Variants in CDK14 observed in about 807,000 individuals in gnomAD.
The protein encoded by CDK14 is cyclin-dependent kinase 14.
Under a neutral mutation model 60.7 loss-of-function variants are expected in CDK14, and 34 were observed. The observed-to-expected ratio is 0.56, with a 90% CI of 0.43 to 0.75. The LOEUF is 0.75. CDK14 is among the 30% of genes least tolerant of loss of function. CDK14 has a pLI of 0.00. For synonymous variants in CDK14, 197 were observed against 203.7 expected, an observed-to-expected ratio of 0.97 and a Z score of 0.28; for missense variants, 482 against 564.1, an observed-to-expected ratio of 0.85 and a Z score of 1.47.
At chr7:91,087,254 G>A (rs1184008949) in intron 12 of CDK14, among the ~76,000 whole-genome samples, 3 of 152,140 alleles carry the variant, frequency 2.0e-5, no homozygotes, top group African/African-American at 7.2e-5. Context: ...AGCTCCTAGA[G>A]TATTCTTATT....
intron 12 of CDK14, among the ~76,000 whole-genome samples, chr7:91,087,781 G>A (rs1370944985): frequency 1.3e-5 from 2 of 151,954 alleles, no homozygotes; most frequent in Non-Finnish European, 2.9e-5. Context: ...TACCTTCTTA[G>A]GGGCACATGC....
intron 4 of CDK14, among the ~76,000 whole-genome samples, chr7:90,766,556 G>C (rs902038394): frequency 1.1e-4 from 17 of 152,268 alleles, no homozygotes; most frequent in South Asian, 8.3e-4. Context: ...CCAGAATTCA[G>C]ATCCAGTTAG....
intron 4 of CDK14, among the ~76,000 whole-genome samples, chr7:90,757,948 T>G (rs1416295257): frequency 6.6e-6 from 1 of 152,124 alleles, no homozygotes; most frequent in African/African-American, 2.4e-5. Context: ...TTAGGCATAG[T>G]TTAGAAGCTT....
intron 12 of CDK14, chr7:91,107,844 C>T (rs1326788787): frequency 6.6e-6 from 1 of 152,204 alleles, no homozygotes; most frequent in Non-Finnish European, 1.5e-5. Context: ...ACTTTTAAGA[C>T]AGGACCCAGT....
intron 4 of CDK14, among the ~76,000 whole-genome samples, chr7:90,764,677 A>G (rs1300690578): frequency 1.3e-5 from 2 of 152,182 alleles, no homozygotes; most frequent in Non-Finnish European, 2.9e-5. Context: ...TTTATGCTTA[A>G]TGGTTGATTC....
intron 3 of CDK14, among the ~76,000 whole-genome samples, chr7:90,737,865 G>C (rs1378419131): frequency 6.6e-6 from 1 of 152,128 alleles, no homozygotes; most frequent in Non-Finnish European, 1.5e-5. Context: ...CTCAATTCAG[G>C]GGGTACTCAA....
chr7:91,002,024 G>A (rs186676369), intron 10 of CDK14, among the ~76,000 whole-genome samples: 1 of 152,308 alleles, frequency 6.6e-6, no homozygotes, highest in East Asian at 1.9e-4. Context: ...ACTGGTTGTT[G>A]GAAGACCCAA....
At chr7:90,703,436 CGT>C (rs1801831810) in intron 2 of CDK14, among the ~76,000 whole-genome samples, 2 of 152,190 alleles carry the variant, frequency 1.3e-5, no homozygotes, top group East Asian at 3.9e-4. Flanking sequence ...AAAACTGTGC[CGT>C]GCCCATGTGA....
At chr7:90,838,435 C>T (rs1790184175) in intron 5 of CDK14, among the ~76,000 whole-genome samples, 2 of 152,066 alleles carry the variant, frequency 1.3e-5, no homozygotes, top group African/African-American at 4.8e-5. Flanking sequence ...CAGTGATTTT[C>T]AGGGAACAAG....
At chr7:90,882,720 A>G (rs180694894) in intron 6 of CDK14, among the ~76,000 whole-genome samples, 51 of 152,364 alleles carry the variant, frequency 3.3e-4, no homozygotes, top group Admixed American at 3.3e-4. Context: ...AGCAAATGCA[A>G]AAGGACTGAA....
intron 10 of CDK14, among the ~76,000 whole-genome samples, chr7:90,995,071 C>T (rs957093995): frequency 6.6e-6 from 1 of 152,146 alleles, no homozygotes; most frequent in African/African-American, 2.4e-5. Context: ...TAATGCTTTC[C>T]CCTTGAGCGT....
At chr7:91,038,907 A>G (rs1189631504) in intron 10 of CDK14, among the ~76,000 whole-genome samples, 1 of 152,216 alleles carries the variant, frequency 6.6e-6, no homozygotes. Context: ...AGACCTCCCC[A>G]GCCATGTGGA....
intron 7 of CDK14, among the ~76,000 whole-genome samples, chr7:90,907,479 C>G (rs1792747237): frequency 6.6e-6 from 1 of 152,012 alleles, no homozygotes; most frequent in African/African-American, 2.4e-5. Flanking sequence ...CTGTCTCCAG[C>G]TGATGTCCAG....
At chr7:91,144,628 C>T (rs960393597) in intron 14 of CDK14, among the ~76,000 whole-genome samples, 5 of 152,106 alleles carry the variant, frequency 3.3e-5, no homozygotes, top group Admixed American at 2.0e-4. Context: ...GTTTGGACCA[C>T]GCTGTATCAT....
intron 4 of CDK14, 148 bp from the exon 5 acceptor site, chr7:90,790,425 C>T: frequency 2.0e-6 from 1 of 506,678 alleles, no homozygotes. Flanking sequence ...GAATTCCCAG[C>T]CGAAACCTTG....
At chr7:90,810,906 C>T (rs1376777970) in intron 5 of CDK14, among the ~76,000 whole-genome samples, 1 of 151,962 alleles carries the variant, frequency 6.6e-6, no homozygotes, top group South Asian at 2.1e-4. Flanking sequence ...ATCCAACTTA[C>T]AAGGGACGTG....
At chr7:90,935,004 TTTA>T (rs1444629173) in intron 8 of CDK14, among the ~76,000 whole-genome samples, 1 of 152,214 alleles carries the variant, frequency 6.6e-6, no homozygotes, top group Non-Finnish European at 1.5e-5. Flanking sequence ...GGAATAGAAA[TTTA>T]TTTCCTCAAT....
At chr7:91,154,741 C>T (rs895421632) in intron 14 of CDK14, among the ~76,000 whole-genome samples, 10 of 151,874 alleles carry the variant, frequency 6.6e-5, no homozygotes, top group Admixed American at 4.6e-4. Context: ...TTCTAGCTGA[C>T]GTTATTGAGT....
At chr7:90,710,418 C>T in intron 2 of CDK14, 2 of 985,194 alleles carry the variant, frequency 2.0e-6, no homozygotes, top group Non-Finnish European at 2.4e-6. Flanking sequence ...AAACTGATGT[C>T]CATGAATTTA....
Sources: allele counts gnomAD v4.1 joint callset (sites outside exome capture counted in the v4.1 genomes callset), GRCh38; gene constraint gnomAD v4.1.1; transcripts MANE v1.5; gene names NCBI Gene and HGNC (gene_info 2026-07-23, HGNC 2026-07-21).